PTGFRN: variants seen among roughly 807,000 people sequenced by gnomAD.
The protein encoded by PTGFRN is prostaglandin F2 receptor negative regulator.
PTGFRN carries 35 observed loss-of-function variants against 83.2 expected under a neutral mutation model. The ratio of observed to expected loss-of-function variants is 0.42; its 90% CI spans 0.32 to 0.56. The LOEUF is 0.56. Ranked by LOEUF, PTGFRN falls within the 20% of genes least tolerant of loss-of-function variation. The probability of loss-of-function intolerance (pLI) is 0.11; values close to 1 mark genes in which losing one functional copy is unlikely to be tolerated. For synonymous variants in PTGFRN, 519 were observed against 498.6 expected, an observed-to-expected ratio of 1.04 and a Z score of -0.55; for missense variants, 1,051 against 1,179.5, an observed-to-expected ratio of 0.89 and a Z score of 1.60.
intron 2 of PTGFRN, among the ~76,000 whole-genome samples, chr1:116,944,099 T>C (rs1160648841): frequency 6.6e-6 from 1 of 152,238 alleles, no homozygotes; most frequent in Non-Finnish European, 1.5e-5. Flanking sequence ...TTCTTGGGCA[T>C]TCCCCAGGCT....
At chr1:116,973,217 C>T (rs1298863861) in intron 6 of PTGFRN, among the ~76,000 whole-genome samples, 1 of 152,140 alleles carries the variant, frequency 6.6e-6, no homozygotes, top group Non-Finnish European at 1.5e-5. Flanking sequence ...TGCATCCAGC[C>T]CAGACTTTAT....
intron 1 of PTGFRN, among the ~76,000 whole-genome samples, chr1:116,917,959 C>T (rs1201792571): frequency 2.0e-5 from 3 of 152,174 alleles, no homozygotes; most frequent in Non-Finnish European, 4.4e-5. Flanking sequence ...TCCTCTGTGT[C>T]CCTCTGGATG....
intron 5 of PTGFRN, among the ~76,000 whole-genome samples, chr1:116,964,387 C>T (rs1650766666): frequency 6.6e-6 from 1 of 152,128 alleles, no homozygotes; most frequent in Non-Finnish European, 1.5e-5. Flanking sequence ...TGGTTTTTCC[C>T]TTGGCTTGTG....
intron 4 of PTGFRN, among the ~76,000 whole-genome samples, chr1:116,951,259 T>A (rs1282207512): frequency 6.6e-6 from 1 of 152,244 alleles, no homozygotes; most frequent in Non-Finnish European, 1.5e-5. Context: ...TGGGCTCCTT[T>A]AACTGGAAGG....
chr1:116,938,880 G>T (rs946375739), intron 1 of PTGFRN, among the ~76,000 whole-genome samples: 5 of 152,204 alleles, frequency 3.3e-5, no homozygotes, highest in Non-Finnish European at 5.9e-5. Flanking sequence ...CCAAATGGGA[G>T]AATTTGGCCA....
At chr1:116,915,399 C>T (rs1272603240) in intron 1 of PTGFRN, among the ~76,000 whole-genome samples, 1 of 152,176 alleles carries the variant, frequency 6.6e-6, no homozygotes, top group Non-Finnish European at 1.5e-5. Flanking sequence ...GGAGGAAGGC[C>T]AGTGGGAGGA....
chr1:116,980,761 G>A (rs1194255158), intron 7 of PTGFRN, among the ~76,000 whole-genome samples: 3 of 152,124 alleles, frequency 2.0e-5, no homozygotes, highest in East Asian at 1.9e-4. Flanking sequence ...TGTAAATGAC[G>A]AGTTAATGGG....
At chr1:116,934,405 C>T (rs1458744800) in intron 1 of PTGFRN, among the ~76,000 whole-genome samples, 1 of 152,196 alleles carries the variant, frequency 6.6e-6, no homozygotes, top group Non-Finnish European at 1.5e-5. Context: ...TCTCAGCCTC[C>T]CAGTGTGCTG....
In PTGFRN at chr1:116,987,605, T is replaced by C. The variant is rs959301103; in HGVS notation, c.*638T>C. On this transcript the variant is annotated 3_prime_UTR_variant, in exon 9 of 9. Transcript: ENST00000393203. ...TTTTTTTTTTTGCTTCTCTGCCCCT[T>C]TTCCATTTCTTTTGTATTTGTTTTC... 2 of 152,376 alleles carry C rather than the reference T, an allele frequency of 1.3e-5. No homozygotes were observed. The highest frequency in any genetic ancestry group is 2.4e-5 in the African/African-American group (1 of 41,294). The allele number at this position is 152,376 out of a possible 1,614,324, so 9.4% of individuals were successfully genotyped here.
intron 5 of PTGFRN, among the ~76,000 whole-genome samples, chr1:116,966,220 C>T (rs914352713): frequency 2.6e-5 from 4 of 152,248 alleles, no homozygotes; most frequent in Non-Finnish European, 1.5e-5. Context: ...GACAGAGACA[C>T]AAGGAGTAAT....
At chr1:116,925,488 G>A (rs1649636757) in intron 1 of PTGFRN, among the ~76,000 whole-genome samples, 1 of 152,032 alleles carries the variant, frequency 6.6e-6, no homozygotes, top group Non-Finnish European at 1.5e-5. Context: ...TAATAAATGA[G>A]GAAGACTTTT....
chr1:116,978,403 G>A (rs948865931), intron 7 of PTGFRN, among the ~76,000 whole-genome samples: 50 of 152,204 alleles, frequency 3.3e-4, no homozygotes, highest in African/African-American at 1.1e-3. Flanking sequence ...ACCAAAGCCT[G>A]GCAGAGACAC....
At chr1:116,910,590 A>T (rs1336223760) in intron 1 of PTGFRN, among the ~76,000 whole-genome samples, 1 of 151,708 alleles carries the variant, frequency 6.6e-6, no homozygotes, top group East Asian at 2.0e-4. Flanking sequence ...GCTCACCTTG[A>T]ACTCCCGGCC....
At position 116,919,485 on chromosome 1, in the gene PTGFRN, C is replaced by G. The variant is rs368662200; in HGVS notation, c.49+9233C>G. Among the ~76,000 whole-genome samples, 920 of 152,240 alleles carry G rather than the reference C, an allele frequency of 6.0e-3. 6 individuals carry two copies. Among genetic ancestry groups the G allele is most frequent in the Non-Finnish European group, 9.6e-3 (651 of 68,010 alleles). On this transcript the variant is annotated intron_variant, in intron 1 of 8. Coordinates refer to ENST00000393203, the MANE Select transcript of PTGFRN (RefSeq NM_020440.4). ...CAGTCATAGCCCACTGCAGCCTCAA[C>G]CTCCCTGGCTGAAGTGATCCTCCCA...
intron 6 of PTGFRN, among the ~76,000 whole-genome samples, chr1:116,967,551 A>G (rs1570672440): frequency 6.6e-6 from 1 of 152,024 alleles, no homozygotes. Context: ...CCCAAAAGAA[A>G]CCTGGACCCC....
At position 116,923,893 on chromosome 1, in the gene PTGFRN, C is replaced by T. The variant is rs867347002; in HGVS notation, c.49+13641C>T. On this transcript the variant is annotated intron_variant, in intron 1 of 8. Coordinates refer to ENST00000393203, the MANE Select transcript of PTGFRN (RefSeq NM_020440.4). This position sits in a 1 kb window ranked among gnomAD's most constrained non-coding sequence, Gnocchi z 4.0. ...TCTGGGGGCACCTAAAAACATAGAT[C>T]GACACAGTCCTTTGACTCCTCCAGC... Among the ~76,000 whole-genome samples, 2 of 152,138 alleles carry T rather than the reference C, an allele frequency of 1.3e-5. No individual in the cohort carries two copies. The highest frequency in any genetic ancestry group is 2.1e-4 in the South Asian group (1 of 4,820).
intron 1 of PTGFRN, among the ~76,000 whole-genome samples, chr1:116,937,335 A>G (rs530066602): frequency 9.8e-5 from 15 of 152,390 alleles, no homozygotes; most frequent in African/African-American, 3.6e-4. Flanking sequence ...AGAGTAAGAT[A>G]TAACCCAACT....
In PTGFRN at chr1:116,910,218, C is replaced by A; in HGVS notation, c.15C>A (p.Ala5=). Residue 5 remains alanine (A), a synonymous_variant, in exon 1 of 9, where the codon GCC becomes GCA. Coordinates refer to ENST00000393203, the MANE Select transcript of PTGFRN (RefSeq NM_020440.4). ...GCCGGGCGAGCATGGGGCGCCTGGC[C>A]TCGAGGCCGCTGCTGCTGGCGCTCC... MGRL[A]SRPLLLALLS... is the part of the protein sequence containing the mutation. The A allele has an allele frequency of 6.8e-7, 1 of 1,460,390 alleles. No individual in the cohort carries two copies. Among genetic ancestry groups the A allele is most frequent in the African/African-American group, 1.5e-5 (1 of 67,908 alleles). 90.5% of individuals were successfully genotyped at this position (1,460,390 alleles called of 1,614,324 possible).
rs532418909 is a variant in PTGFRN, at chr1:116,990,299, A to G, written c.*3332A>G. Reference sequence around the variant, plus strand: ...GTATTGTTTTATACTGTGACCACAAATATTATGCAATGCACCATTTGTTTT... The same window carrying G: ...GTATTGTTTTATACTGTGACCACAAGTATTATGCAATGCACCATTTGTTTT... On this transcript the variant is annotated 3_prime_UTR_variant, in exon 9 of 9. Transcript: ENST00000393203. The G allele has an allele frequency of 3.3e-5, 5 of 152,786 alleles. No homozygotes were observed. In the East Asian group the frequency reaches 7.7e-4, roughly 24 times the overall value. The allele number at this position is 152,786 out of a possible 1,614,324, so 9.5% of individuals were successfully genotyped here. A position where few individuals can be genotyped will look rare whatever the true frequency, so the allele number is the denominator to read the frequency against.
Sources: allele counts gnomAD v4.1 joint callset (sites outside exome capture counted in the v4.1 genomes callset), GRCh38; gene constraint gnomAD v4.1.1; non-coding constraint Gnocchi (gnomAD v3.1); transcripts MANE v1.5; gene names NCBI Gene and HGNC (gene_info 2026-07-23, HGNC 2026-07-21).